The following LMAN1L variants were observed in gnomAD, a reference collection of about 807,000 sequenced individuals.
LMAN1L encodes the protein lectin, mannose binding 1 like.
In LMAN1L, 60 loss-of-function variants were observed where a neutral mutation model predicts 58.3. The ratio of observed to expected loss-of-function variants is 1.03; its 90% confidence interval spans 0.84 to 1.27. The LOEUF is 1.27. LMAN1L is among the 50% of genes most tolerant of loss of function. The pLI, the probability that LMAN1L is intolerant of heterozygous loss-of-function variation, is 0.00. For synonymous variants in LMAN1L, 280 were observed against 271.6 expected (o/e 1.03, Z -0.31); for missense variants, 629 against 674.0 (o/e 0.93, Z 0.74).
intron 4 of LMAN1L, among the ~76,000 whole-genome samples, 162 bp downstream of exon 4, chr15:74,816,852 G>A (rs895445743): frequency 2.0e-5 from 3 of 152,128 alleles, no homozygotes; most frequent in African/African-American, 7.2e-5. Context: ...CCGCCCCCCT[G>A]GGGCTTGATT....
chr15:74,815,435 C>T (rs1214174824), intron 1 of LMAN1L, among the ~76,000 whole-genome samples: 1 of 152,182 alleles, frequency 6.6e-6, no homozygotes, highest in East Asian at 1.9e-4. Flanking sequence ...GCCTCAGTTT[C>T]TCTCCCATTC....
At chr15:74,825,082 G>C (rs1227242968) in intron 13 of LMAN1L, 1 of 169,346 alleles carries the variant, frequency 5.9e-6, no homozygotes, top group African/African-American at 2.4e-5. Context: ...GCACCGTTTA[G>C]AGATGTGGGG....
chr15:74,820,506 G>T, intron 7 of LMAN1L, 129 bp from the exon 8 acceptor site: 1 of 1,215,640 alleles, frequency 8.2e-7, no homozygotes, highest in Non-Finnish European at 1.2e-6. Context: ...AGAACTCAGA[G>T]GGCTGGAAAC....
rs1255806324 is a variant in LMAN1L, at chr15:74,816,613, G to A, written c.439-19G>A. The A allele has an allele frequency of 6.2e-6, 10 of 1,611,378 alleles. No homozygotes were observed. The highest frequency in any genetic ancestry group is 1.7e-4 in the Middle Eastern group (1 of 6,052). ...TCCCGCCATGTCCGCGGCTCAGGCT[G>A]CTTCTCACCTCCCTGCAGGACAGTC... On this transcript the variant is annotated intron_variant, in intron 3 of 13. Coordinates refer to ENST00000309664, the MANE Select transcript of LMAN1L (RefSeq NM_021819.3).
At chr15:74,823,807 G>T (rs888954654) in intron 12 of LMAN1L, 125 bp downstream of exon 12, 4 of 1,132,364 alleles carry the variant, frequency 3.5e-6, no homozygotes, top group Non-Finnish European at 5.0e-6. Context: ...AGGACTGCTG[G>T]CAAGCACATC....
At chr15:74,815,401 C>T (rs953801469) in intron 1 of LMAN1L, among the ~76,000 whole-genome samples, 7 of 152,238 alleles carry the variant, frequency 4.6e-5, no homozygotes, top group Non-Finnish European at 7.3e-5. Flanking sequence ...TCTGAGTTCC[C>T]TGCCCCCAGT....
chr15:74,820,851 G>C, intron 8 of LMAN1L, 84 bp downstream of exon 8: 1 of 1,529,886 alleles, frequency 6.5e-7, no homozygotes, highest in South Asian at 1.3e-5. Context: ...CCTTTAATCA[G>C]TAGGGAAACT....
chr15:74,819,924 A>G (rs2063908870), intron 6 of LMAN1L, 120 bp from the exon 7 acceptor site: 1 of 878,916 alleles, frequency 1.1e-6, no homozygotes, highest in Admixed American at 1.7e-5. Context: ...CAAGCATCAG[A>G]CGGTGGCCCA....
rs772502233 is a variant in LMAN1L at position 74,822,631 on chromosome 15, C to T, written c.1132-11C>T. 22 of 1,611,650 alleles carry T rather than the reference C, an allele frequency of 1.4e-5. No individual in the cohort carries two copies. The highest frequency in any genetic ancestry group is 1.7e-5 in the Non-Finnish European group (20 of 1,177,962). ...GTCCTGGGCCCTAGACAAGAGGCTG[C>T]CCCTCTGCAGGACTCTGCCAAGGTC... On this transcript the variant is annotated splice_polypyrimidine_tract_variant and intron_variant, in intron 10 of 13. Coordinates refer to ENST00000309664, the MANE Select transcript of LMAN1L (RefSeq NM_021819.3).
At chr15:74,825,241 A>T in intron 13 of LMAN1L, 1 of 440,332 alleles carries the variant, frequency 2.3e-6, no homozygotes, top group Non-Finnish European at 4.2e-6. Flanking sequence ...CACAGGCTTC[A>T]GCACATGCAC....
intron 1 of LMAN1L, among the ~76,000 whole-genome samples, chr15:74,813,809 C>G (rs187839682): frequency 3.6e-4 from 55 of 152,252 alleles, no homozygotes; most frequent in Admixed American, 3.6e-3. Context: ...GAAAGCAGAT[C>G]GGCTGTGGAT....
intron 13 of LMAN1L, chr15:74,825,105 C>T (rs1043630942): frequency 5.6e-6 from 1 of 177,886 alleles, no homozygotes. Context: ...TGCTAAAGGC[C>T]TCAGCAATGA....
intron 12 of LMAN1L, 118 bp downstream of exon 12, chr15:74,823,800 A>C (rs1224529925): frequency 1.6e-6 from 2 of 1,219,382 alleles, no homozygotes; most frequent in Non-Finnish European, 2.3e-6. Flanking sequence ...CCCTCCCAGG[A>C]CTGCTGGCAA....
Position 74,825,342 on chromosome 15 carries a change from G to A in LMAN1L, c.1452-134G>A, listed in dbSNP as rs1306006284. ...CGTGGACCATATGCAGCGGGCCAAA[G>A]GAGCCACAGAAAGTCCAAGAACAGC... is the stretch of plus-strand genomic sequence containing the variant. On this transcript the variant is annotated intron_variant, in intron 13 of 13. Transcript: ENST00000309664. The A allele has an allele frequency of 4.2e-6, 4 of 952,540 alleles. No homozygotes were observed. In the Admixed American group the frequency reaches 8.7e-5, roughly 21 times the overall value. 59.0% of individuals were successfully genotyped at this position (952,540 alleles called of 1,614,324 possible). A position where few individuals can be genotyped will look rare whatever the true frequency, so the allele number is the denominator to read the frequency against.
Position 74,824,455 on chromosome 15 carries a change from C to G in LMAN1L, c.1428C>G (p.Gly476=), listed in dbSNP as rs1252428446. The G allele has an allele frequency of 1.9e-6, 3 of 1,614,234 alleles. No individual in the cohort carries two copies. The highest frequency in any genetic ancestry group is 2.5e-6 in the Non-Finnish European group (3 of 1,180,028). The change falls in exon 13 of 14, where the codon GGC becomes GGG. Residue 476 remains glycine (G), a synonymous_variant. Transcript: ENST00000309664. ...FLFYLLIQTV[G]FFGYVHFRQE... ...TCTACCTCCTCATTCAGACTGTAGG[C>G]TTCTTCGGCTACGTGCACTTCAGGT...
intron 12 of LMAN1L, 170 bp downstream of exon 12, chr15:74,823,852 C>T (rs1033147996): frequency 5.9e-5 from 39 of 665,774 alleles, no homozygotes; most frequent in South Asian, 3.4e-4. Context: ...TCCGTGCATA[C>T]GTGCCACCAC....
At chr15:74,814,697 C>T (rs776251769) in intron 1 of LMAN1L, among the ~76,000 whole-genome samples, 2 of 151,966 alleles carry the variant, frequency 1.3e-5, no homozygotes, top group Non-Finnish European at 2.9e-5. Context: ...TAAGTAGAGA[C>T]GGGTTGTCAC....
chr15:74,820,574 C>T (rs2063911888), intron 7 of LMAN1L, 61 bp from the exon 8 acceptor site: 1 of 1,605,892 alleles, frequency 6.2e-7, no homozygotes, highest in Non-Finnish European at 8.5e-7. Flanking sequence ...TGTGGGAAGG[C>T]TCCCCTTGCT....
At chr15:74,819,001 T>C (rs1006783814) in intron 5 of LMAN1L, 151 bp from the exon 6 acceptor site, 2 of 1,044,134 alleles carry the variant, frequency 1.9e-6, no homozygotes, top group African/African-American at 3.2e-5. Context: ...AGCACATACA[T>C]GTAAGGGCTC....
Sources: gnomAD v4.1 joint callset for allele counts (sites outside exome capture counted in the v4.1 genomes callset) on GRCh38, gnomAD v4.1.1 for gene constraint, MANE v1.5 for transcripts, NCBI Gene and HGNC (gene_info 2026-07-23, HGNC 2026-07-21) for gene names.